Variants in TNRC6A observed in about 807,000 individuals in gnomAD.
TNRC6A encodes trinucleotide repeat-containing gene 6A protein.
TNRC6A carries 44 observed loss-of-function variants against 221.2 expected under a neutral mutation model. The ratio of observed to expected loss-of-function variants is 0.20; its 90% CI spans 0.16 to 0.26. The LOEUF (loss-of-function observed/expected upper bound fraction) is 0.26. TNRC6A is among the 10% of genes least tolerant of loss of function. The probability of loss-of-function intolerance (pLI) is 1.00; values close to 1 mark genes in which losing one functional copy is unlikely to be tolerated. For synonymous variants in TNRC6A, 847 were observed against 838.5 expected (o/e 1.01, Z -0.18); for missense variants, 2,199 against 2,404.4 (o/e 0.91, Z 1.79).
intron 5 of TNRC6A, 36 bp from the exon 6 acceptor site, chr16:24,789,196 C>T: frequency 1.3e-6 from 2 of 1,522,894 alleles, no homozygotes; most frequent in Non-Finnish European, 1.8e-6. Context: ...AATGGCCTAA[C>T]ACTTTATAAA....
intron 20 of TNRC6A, 150 bp from the exon 21 acceptor site, chr16:24,818,443 G>A: frequency 1.5e-6 from 1 of 654,820 alleles, no homozygotes. Context: ...AAGGCAAGAA[G>A]GAAGATGTCT....
chr16:24,811,056 C>A (rs147192486), intron 18 of TNRC6A, among the ~76,000 whole-genome samples: 1 of 152,060 alleles, frequency 6.6e-6, no homozygotes, highest in Non-Finnish European at 1.5e-5. Flanking sequence ...AATAGGTGTT[C>A]GCCGTAAATC....
At chr16:24,618,796 ATT>A (rs35385866) in intron 1 of TNRC6A, among the ~76,000 whole-genome samples, 4 of 143,006 alleles carry the variant, frequency 2.8e-5, no homozygotes, top group South Asian at 2.2e-4. Flanking sequence ...ACACCTGGCT[ATT>A]TTTTTTTTTT....
intron 2 of TNRC6A, among the ~76,000 whole-genome samples, chr16:24,686,911 G>C (rs1473518957): frequency 6.6e-6 from 1 of 152,108 alleles, no homozygotes; most frequent in East Asian, 1.9e-4. Flanking sequence ...TACTTGGATG[G>C]TTCGGAGTCT....
At chr16:24,616,912 C>T (rs889280982) in intron 1 of TNRC6A, among the ~76,000 whole-genome samples, 1 of 148,424 alleles carries the variant, frequency 6.7e-6, no homozygotes, top group Non-Finnish European at 1.5e-5. Flanking sequence ...CAGAGTGAGA[C>T]TCCACCTCAA....
intron 2 of TNRC6A, among the ~76,000 whole-genome samples, chr16:24,694,382 G>A (rs968504146): frequency 1.3e-5 from 2 of 152,038 alleles, no homozygotes; most frequent in Admixed American, 6.6e-5. Context: ...CTTGCTGGGC[G>A]CGGTGGCTCA....
At chr16:24,617,154 C>G (rs1405652638) in intron 1 of TNRC6A, among the ~76,000 whole-genome samples, 1 of 148,728 alleles carries the variant, frequency 6.7e-6, no homozygotes, top group Non-Finnish European at 1.5e-5. Flanking sequence ...GGGATGGAGT[C>G]CCACTCTGTT....
In TNRC6A at chr16:24,749,675, T is replaced by C. The variant is rs111432904; in HGVS notation, c.54-1051T>C. 7.9e-5 allele frequency among the ~76,000 whole-genome samples: 12 copies of C among 152,342 alleles called. 1 individual carries two copies. Among genetic ancestry groups the C allele is most frequent in the African/African-American group, 2.6e-4 (11 of 41,576 alleles). On this transcript the variant is annotated intron_variant, in intron 2 of 24. Transcript: ENST00000395799. ...GTGGGGTGGCTTTTGCTTTTGCTTA[T>C]TCATTTGCTTTGAATAGAATAAAAA... is the stretch of plus-strand genomic sequence containing the variant.
intron 2 of TNRC6A, among the ~76,000 whole-genome samples, chr16:24,677,169 T>TC (rs1357024969): frequency 1.3e-5 from 2 of 151,126 alleles, no homozygotes; most frequent in Non-Finnish European, 3.0e-5. Flanking sequence ...TTTTTCTTTT[T>TC]TTTTTTTTTC....
In TNRC6A at chr16:24,702,181, T is replaced by C. The variant is rs1229330527; in HGVS notation, n.403-48545T>C. Among the ~76,000 whole-genome samples the C allele has an allele frequency of 1.1e-3, 150 of 131,516 alleles. 1 individual carries two copies. Among genetic ancestry groups the C allele is most frequent in the African/African-American group, 4.1e-3 (141 of 34,432 alleles). The allele number at this position is 131,516 out of a possible 152,430, so 86.3% of individuals were successfully genotyped here. A position where few individuals can be genotyped will look rare whatever the true frequency, so the allele number is the denominator to read the frequency against. On this transcript the variant is annotated intron_variant and non_coding_transcript_variant, in intron 2 of 2. Transcript: ENST00000566108. ...CTTTTTTCTTTTCTTTTTTCTTTTT[T>C]CTTTTTTTTTTTTTGAGGCAGGGTT...
intron 1 of TNRC6A, among the ~76,000 whole-genome samples, chr16:24,621,020 G>A (rs1900641451): frequency 6.8e-6 from 1 of 146,240 alleles, no homozygotes; most frequent in Non-Finnish European, 1.5e-5. Flanking sequence ...GGAGGTGGAG[G>A]TTGCAGTGAG....
intron 2 of TNRC6A, among the ~76,000 whole-genome samples, chr16:24,678,918 A>G (rs185559052): frequency 6.6e-6 from 1 of 152,230 alleles, no homozygotes; most frequent in African/African-American, 2.4e-5. Flanking sequence ...ATTAACTTGT[A>G]TATACACACT....
intron 2 of TNRC6A, among the ~76,000 whole-genome samples, chr16:24,695,821 G>T (rs1247738097): frequency 1.3e-5 from 2 of 152,128 alleles, no homozygotes; most frequent in African/African-American, 2.4e-5. Flanking sequence ...GGTTAATTTG[G>T]CCACGTCACC....
At chr16:24,633,226 T>G (rs1055515050) in intron 1 of TNRC6A, among the ~76,000 whole-genome samples, 1 of 152,152 alleles carries the variant, frequency 6.6e-6, no homozygotes, top group African/African-American at 2.4e-5. Flanking sequence ...CATGGTTTAC[T>G]CCTTTGTAGG....
chr16:24,676,204 C>G (rs2055417757), intron 2 of TNRC6A, among the ~76,000 whole-genome samples: 1 of 152,156 alleles, frequency 6.6e-6, no homozygotes, highest in African/African-American at 2.4e-5. Context: ...TGCCCACTCC[C>G]TGCTTCTAAA....
chr16:24,805,702 T>G lies in TNRC6A; in HGVS notation c.4220T>G (p.Leu1407Arg). 6.2e-7 allele frequency: 1 copy of G among 1,614,228 alleles called. No homozygotes were observed. The highest frequency in any genetic ancestry group is 8.5e-7 in the Non-Finnish European group (1 of 1,180,044). ...GCCATGCTGAACCAGCTATCCCAGC[T>G]AAACCAGCTTTCTCAGATCTCCCAG... ...QVAMLNQLSQLNQLSQISQLQ... is the reference protein window; with the variant it reads ...QVAMLNQLSQRNQLSQISQLQ... Residue 1407 changes from leucine (L) to arginine (R), a missense_variant, in exon 15 of 25, where the codon CTA becomes CGA. This residue lies in a region of TNRC6A where 449 missense variants were observed against 579.7 expected (regional missense o/e 0.77). Coordinates refer to ENST00000395799, the MANE Select transcript of TNRC6A (RefSeq NM_014494.4).
intron 5 of TNRC6A, among the ~76,000 whole-genome samples, chr16:24,788,157 A>G (rs1474066705): frequency 6.6e-6 from 1 of 152,244 alleles, no homozygotes; most frequent in Non-Finnish European, 1.5e-5. Flanking sequence ...AATACATAGC[A>G]GGAAGTCCAA....
At chr16:24,746,422 A>C (rs1370428027) in intron 2 of TNRC6A, among the ~76,000 whole-genome samples, 2 of 152,080 alleles carry the variant, frequency 1.3e-5, no homozygotes, top group African/African-American at 4.8e-5. Flanking sequence ...TAAATAAATA[A>C]ATAAGAAGTT....
chr16:24,822,020 T>C (rs2058775326), intron 22 of TNRC6A, 57 bp from the exon 23 acceptor site: 7 of 1,530,992 alleles, frequency 4.6e-6, no homozygotes, highest in Admixed American at 1.7e-5. Flanking sequence ...GCTAAGTAAC[T>C]GTAGTTGGGC....
Sources: gnomAD v4.1 joint callset for allele counts (sites outside exome capture counted in the v4.1 genomes callset) on GRCh38, gnomAD v4.1.1 for gene constraint, gnomAD v4.1.1 regional missense constraint, MANE v1.5 for transcripts, NCBI Gene and HGNC (gene_info 2026-07-23, HGNC 2026-07-21) for gene names.